The following SWT1 variants were observed in gnomAD, a reference collection of about 807,000 sequenced individuals.
SWT1 encodes the protein transcriptional protein SWT1.
In SWT1, 33 loss-of-function variants were observed where a neutral mutation model predicts 107.3. The ratio of observed to expected loss-of-function variants is 0.31; its 90% CI spans 0.23 to 0.41. SWT1 has a LOEUF of 0.41. Among genes scored for constraint, SWT1 ranks in the 10% least tolerant of loss-of-function variants. The pLI, the probability that SWT1 is intolerant of heterozygous loss-of-function variation, is 1.00. For synonymous variants in SWT1, 345 were observed against 348.3 expected (o/e 0.99, Z 0.11); for missense variants, 898 against 1,028.9 (o/e 0.87, Z 1.74).
chr1:185,224,426 C>T lies in SWT1; in HGVS notation c.2309+2390C>T, dbSNP rs117543714. ...ATTTTGAAATCAGGTAGTGTGATGC[C>T]TCCAGCTTTGTTCTTTTTGCTCAGG... On this transcript the variant is annotated intron_variant, in intron 15 of 18. Coordinates refer to ENST00000367500, the MANE Select transcript of SWT1 (RefSeq NM_017673.7). Among the ~76,000 whole-genome samples the T allele has an allele frequency of 5.9e-3, 892 of 152,040 alleles. 34 individuals are homozygous for T. The East Asian group carries it at 0.095, about 16-fold the overall frequency.
At chr1:185,239,971 G>A (rs898600696) in intron 16 of SWT1, among the ~76,000 whole-genome samples, 5 of 152,016 alleles carry the variant, frequency 3.3e-5, no homozygotes, top group South Asian at 4.1e-4. Context: ...TGCTTAAACT[G>A]TCATCTTTGC....
intron 14 of SWT1, 42 bp downstream of exon 14, chr1:185,214,697 C>A: frequency 6.5e-7 from 1 of 1,526,738 alleles, no homozygotes. Context: ...GCTAATTATA[C>A]ATGTTCTGAA....
At chr1:185,253,289 C>T (rs1204594325) in intron 16 of SWT1, among the ~76,000 whole-genome samples, 2 of 144,942 alleles carry the variant, frequency 1.4e-5, no homozygotes, top group Admixed American at 6.7e-5. Flanking sequence ...TCCATATGAA[C>T]TTTAAAGTAG....
At chr1:185,272,878 A>G (rs374867303) in intron 17 of SWT1, among the ~76,000 whole-genome samples, 6 of 151,828 alleles carry the variant, frequency 4.0e-5, no homozygotes, top group African/African-American at 1.2e-4. Context: ...TCTCTAAAAA[A>G]CAAACAAAAT....
At chr1:185,209,860 A>G (rs12421138) in intron 13 of SWT1, among the ~76,000 whole-genome samples, 6 of 152,242 alleles carry the variant, frequency 3.9e-5, no homozygotes, top group African/African-American at 9.6e-5. Flanking sequence ...AAGCATTCCT[A>G]TTTCTCCACA....
chr1:185,282,376 TAA>T (rs375386754), intron 18 of SWT1, among the ~76,000 whole-genome samples: 4 of 144,890 alleles, frequency 2.8e-5, no homozygotes, highest in African/African-American at 1.0e-4. Context: ...ATGGTTTGGT[TAA>T]AAAAAAAAAA....
chr1:185,204,592 A>T, intron 11 of SWT1, 108 bp from the exon 12 acceptor site: 1 of 470,004 alleles, frequency 2.1e-6, no homozygotes, highest in Non-Finnish European at 3.7e-6. Context: ...TTTATATATA[A>T]TTAAAATATA....
Position 185,174,840 on chromosome 1 carries a change from G to A in SWT1, c.693G>A (p.Lys231=), listed in dbSNP as rs753781057. Reference sequence around the variant, plus strand: ...AACCCTTGGGATCTAGAAGACAGAAGATCAGTTTCAAAATCCCTATAAAAT... The same window carrying A: ...AACCCTTGGGATCTAGAAGACAGAAAATCAGTTTCAAAATCCCTATAAAAT... The part of the protein sequence containing the change: ...IKEPLGSRRQ[K]ISFKIPIKSR... The change falls in exon 5 of 19, where the codon AAG becomes AAA. Residue 231 remains lysine (K), a synonymous_variant. Coordinates refer to ENST00000367500, the MANE Select transcript of SWT1 (RefSeq NM_017673.7). 3 of 1,614,046 alleles carry A rather than the reference G, an allele frequency of 1.9e-6. No homozygotes were observed. The Admixed American group carries it at 5.0e-5, about 27-fold the overall frequency.
chr1:185,204,761 G>T lies in SWT1; in HGVS notation c.1731G>T (p.Leu577=), dbSNP rs1423173268. ...CTACAAATTCTGGACTGTCCATTCT[G>T]CTTGAGAGCATTGTATCTGATCTTG... ...EESTNSGLSI[L]LESIVSDLEK... is the part of the protein sequence containing the mutation. The change falls in exon 12 of 19, where the codon CTG becomes CTT. Residue 577 remains leucine (L), a synonymous_variant. Transcript: ENST00000367500. The T allele has an allele frequency of 6.2e-7, 1 of 1,600,430 alleles. No homozygotes were observed.
intron 5 of SWT1, 105 bp from the exon 6 acceptor site, chr1:185,180,286 C>A: frequency 1.2e-6 from 1 of 869,264 alleles, no homozygotes; most frequent in Non-Finnish European, 1.9e-6. Context: ...TACAGGGCAA[C>A]CCCTAAAGTG....
chr1:185,272,998 A>C (rs1459290646), intron 17 of SWT1, among the ~76,000 whole-genome samples: 9 of 151,614 alleles, frequency 5.9e-5, no homozygotes, highest in African/African-American at 2.2e-4. Context: ...ATACCACTGC[A>C]CTCCAGCCTG....
chr1:185,290,794 T>C lies in SWT1; in HGVS notation c.2694T>C (p.Tyr898=). 1 of 1,607,494 alleles carries C rather than the reference T, an allele frequency of 6.2e-7. No individual in the cohort carries two copies. Among genetic ancestry groups the C allele is most frequent in the African/African-American group, 1.3e-5 (1 of 74,792 alleles). The part of the protein sequence containing the change: ...NRGWCEDMLN[Y]RI The stretch of plus-strand genomic sequence containing the variant: ...GATGGTGTGAAGACATGCTCAACTA[T>C]AGGATATAAGTACTGATTTGTAACT... The change falls in exon 19 of 19, where the codon TAT becomes TAC. Residue 898 remains tyrosine (Y), a synonymous_variant. Transcript: ENST00000367500.
chr1:185,186,391 A>G (rs1656467322), intron 9 of SWT1, among the ~76,000 whole-genome samples: 1 of 152,222 alleles, frequency 6.6e-6, no homozygotes, highest in Non-Finnish European at 1.5e-5. Flanking sequence ...GAATAAGCCT[A>G]AGGATAATAA....
chr1:185,188,596 T>G (rs1034092872), intron 9 of SWT1, among the ~76,000 whole-genome samples: 4 of 152,222 alleles, frequency 2.6e-5, no homozygotes, highest in African/African-American at 9.6e-5. Context: ...AGTTTGTCTT[T>G]GCATATCCAT....
intron 17 of SWT1, among the ~76,000 whole-genome samples, chr1:185,273,244 A>G (rs1464693943): frequency 6.6e-6 from 1 of 152,100 alleles, no homozygotes; most frequent in African/African-American, 2.4e-5. Flanking sequence ...ATCTCTACTA[A>G]AAGTACAAAA....
chr1:185,243,577 C>T (rs1317853369), intron 16 of SWT1, among the ~76,000 whole-genome samples: 1 of 152,164 alleles, frequency 6.6e-6, no homozygotes, highest in East Asian at 1.9e-4. Flanking sequence ...GTGTTTTCCA[C>T]ATAGATGGTA....
intron 12 of SWT1, among the ~76,000 whole-genome samples, chr1:185,205,929 T>G (rs1247072348): frequency 1.3e-5 from 2 of 152,164 alleles, no homozygotes; most frequent in Non-Finnish European, 2.9e-5. Context: ...AATAGGCATG[T>G]CTTTGCAAGA....
chr1:185,174,588 A>T lies in SWT1; in HGVS notation c.441A>T (p.Gly147=). 1 of 1,607,866 alleles carries T rather than the reference A, an allele frequency of 6.2e-7. No individual in the cohort carries two copies. The highest frequency in any genetic ancestry group is 1.1e-5 in the South Asian group (1 of 89,334). ...LTNAGSKLDH[G]IKSLSSPKIA... ...ATGCTGGGAGCAAGCTTGACCATGGAATTAAAAGCCTTAGTAGTCCTAAGA... is the reference window on the plus strand; with the variant it reads ...ATGCTGGGAGCAAGCTTGACCATGGTATTAAAAGCCTTAGTAGTCCTAAGA... Residue 147 remains glycine, a synonymous_variant, in exon 5 of 19, where the codon GGA becomes GGT. Coordinates refer to ENST00000367500, the MANE Select transcript of SWT1 (RefSeq NM_017673.7).
chr1:185,169,356 C>T (rs1476331249), intron 4 of SWT1, among the ~76,000 whole-genome samples: 1 of 149,826 alleles, frequency 6.7e-6, no homozygotes, highest in Non-Finnish European at 1.5e-5. Context: ...TTTAAGGACA[C>T]ATTTTTTGGC....
Sources: allele counts gnomAD v4.1 joint callset (sites outside exome capture counted in the v4.1 genomes callset), GRCh38; gene constraint gnomAD v4.1.1; transcripts MANE v1.5; gene names NCBI Gene and HGNC (gene_info 2026-07-23, HGNC 2026-07-21).